The following CCDC178 variants were observed in gnomAD, a reference collection of about 807,000 sequenced individuals.
CCDC178 encodes the protein coiled-coil domain-containing protein 178.
Under a neutral mutation model 117.4 loss-of-function variants are expected in CCDC178, and 126 were observed. The ratio of observed to expected loss-of-function variants is 1.07; its 90% CI spans 0.93 to 1.24. The LOEUF (loss-of-function observed/expected upper bound fraction) is 1.24, where lower values mean the gene tolerates loss of function less well. CCDC178 is among the 50% of genes most tolerant of loss of function. The pLI is 0.00. For missense variants in CCDC178, 1,030 were observed against 986.9 expected (o/e 1.04, Z -0.59); for synonymous variants, 283 against 313.4 (o/e 0.90, Z 1.02).
At chr18:33,114,377 G>A (rs1230995061) in intron 20 of CCDC178, among the ~76,000 whole-genome samples, 1 of 152,034 alleles carries the variant, frequency 6.6e-6, no homozygotes. Flanking sequence ...AGAATGGGGG[G>A]TGGGGAACTT....
intron 12 of CCDC178, among the ~76,000 whole-genome samples, chr18:33,276,443 A>C (rs2059950883): frequency 6.6e-6 from 1 of 152,080 alleles, no homozygotes; most frequent in African/African-American, 2.4e-5. Context: ...TGGATATATA[A>C]GATTTGTTAC....
intron 22 of CCDC178, among the ~76,000 whole-genome samples, chr18:32,948,395 T>C (rs1469450745): frequency 3.3e-5 from 5 of 152,130 alleles, no homozygotes; most frequent in Non-Finnish European, 5.9e-5. Flanking sequence ...TTAATTTTCT[T>C]TTGTGGCACA....
chr18:33,420,763 C>A lies in CCDC178; in HGVS notation c.-22-8653G>T, dbSNP rs115239426. Among the ~76,000 whole-genome samples the A allele has an allele frequency of 4.6e-5, 7 of 151,874 alleles. No individual in the cohort carries two copies. The East Asian group carries it at 1.4e-3, about 29-fold the overall frequency. ...ACACAATTTATATGACAAACCTGCA[C>A]ATGTACCACTGAAATTAAAATAACA... On this transcript the variant is annotated intron_variant, in intron 2 of 22. Transcript: ENST00000383096.
chr18:33,178,145 C>A (rs1183500416), intron 20 of CCDC178, among the ~76,000 whole-genome samples: 1 of 151,988 alleles, frequency 6.6e-6, no homozygotes, highest in Non-Finnish European at 1.5e-5. Context: ...CAACCCAACC[C>A]AATCTTTTCA....
Position 32,948,494 on chromosome 18 carries a change from C to A in CCDC178, c.2524-10403G>T, listed in dbSNP as rs974098677. 2.7e-4 allele frequency among the ~76,000 whole-genome samples: 41 copies of A among 152,148 alleles called. No homozygotes were observed. The Middle Eastern group carries it at 0.024, about 88-fold the overall frequency. On this transcript the variant is annotated intron_variant, in intron 22 of 22. Transcript: ENST00000383096. Reference sequence around the variant, plus strand: ...TCCAATCACTGTTAGCACATTGATGCTATATTATGCAAACTTACTAAGCTC... The same window carrying A: ...TCCAATCACTGTTAGCACATTGATGATATATTATGCAAACTTACTAAGCTC...
At chr18:32,942,119 G>A (rs965908353) in intron 22 of CCDC178, among the ~76,000 whole-genome samples, 1 of 152,118 alleles carries the variant, frequency 6.6e-6, no homozygotes, top group Admixed American at 6.6e-5. Flanking sequence ...TCCTAATGTA[G>A]TAAATGAGTT....
chr18:33,225,999 T>G (rs998916558), intron 16 of CCDC178, among the ~76,000 whole-genome samples: 1 of 151,930 alleles, frequency 6.6e-6, no homozygotes, highest in African/African-American at 2.4e-5. Flanking sequence ...CTGTCTCTAC[T>G]AAAAATACAA....
chr18:32,994,377 A>G (rs1331254230), intron 21 of CCDC178, among the ~76,000 whole-genome samples: 1 of 152,166 alleles, frequency 6.6e-6, no homozygotes, highest in Non-Finnish European at 1.5e-5. Context: ...AACACCAAAA[A>G]CTTTAAAGAA....
chr18:33,153,875 T>C lies in CCDC178; in HGVS notation c.2238+58021A>G, dbSNP rs1359052066. Among the ~76,000 whole-genome samples, 4 of 152,044 alleles carry C rather than the reference T, an allele frequency of 2.6e-5. No individual in the cohort carries two copies. The East Asian group carries it at 7.7e-4, about 29-fold the overall frequency. ...TTGTAAATAATATATATATATGGTA[T>C]GCATATATAAAAGTTACATGGAAAG... On this transcript the variant is annotated intron_variant, in intron 20 of 22. Transcript: ENST00000383096.
chr18:32,965,971 C>A (rs946264548), intron 22 of CCDC178, among the ~76,000 whole-genome samples: 1 of 148,752 alleles, frequency 6.7e-6, no homozygotes, highest in Non-Finnish European at 1.5e-5. Flanking sequence ...ATAATAGAAT[C>A]AATTTTTAAT....
intron 11 of CCDC178, among the ~76,000 whole-genome samples, chr18:33,318,900 G>C (rs2062460529): frequency 6.6e-6 from 1 of 151,868 alleles, no homozygotes; most frequent in Non-Finnish European, 1.5e-5. Context: ...ATATATGAAG[G>C]TCAACTAAGA....
intron 15 of CCDC178, among the ~76,000 whole-genome samples, chr18:33,230,628 A>G (rs1030056659): frequency 1.3e-5 from 2 of 152,180 alleles, no homozygotes; most frequent in Non-Finnish European, 2.9e-5. Flanking sequence ...TTTTTAAAAA[A>G]AATCTTTATA....
chr18:32,990,050 T>C (rs994650492), intron 21 of CCDC178, among the ~76,000 whole-genome samples: 4 of 152,172 alleles, frequency 2.6e-5, no homozygotes, highest in Admixed American at 2.0e-4. Flanking sequence ...TAAGATAATT[T>C]GAAAGAACTA....
Position 33,246,235 on chromosome 18 carries a change from G to A in CCDC178, c.1410-807C>T, listed in dbSNP as rs145854168. 1.1e-4 allele frequency among the ~76,000 whole-genome samples: 16 copies of A among 151,824 alleles called. No homozygotes were observed. In the East Asian group the frequency reaches 1.8e-3, roughly 17 times the overall value. ...GCAAACTATAGATATTAACTGGAGC[G>A]GTATCTAAACCTTGTATACACATAA... On this transcript the variant is annotated intron_variant, in intron 14 of 22. Transcript: ENST00000383096.
Position 33,132,886 on chromosome 18 carries a change from A to C in CCDC178, c.2239-39976T>G, listed in dbSNP as rs571982375. Among the ~76,000 whole-genome samples the C allele has an allele frequency of 5.0e-4, 76 of 151,940 alleles. 1 individual carries two copies. The highest frequency in any genetic ancestry group is 1.8e-3 in the African/African-American group (73 of 41,564). On this transcript the variant is annotated intron_variant, in intron 20 of 22. Transcript: ENST00000383096. ...ATGTAATAATACAGCAGAATTAAGAAAGAAAACTTTGCAACAGATTTCGAT... is the reference window on the plus strand; with the variant it reads ...ATGTAATAATACAGCAGAATTAAGACAGAAAACTTTGCAACAGATTTCGAT...
At chr18:33,351,100 G>A (rs1050167822) in intron 7 of CCDC178, among the ~76,000 whole-genome samples, 3 of 150,760 alleles carry the variant, frequency 2.0e-5, no homozygotes, top group Admixed American at 6.6e-5. Context: ...ACTAATTTTC[G>A]TATGCTAAAC....
At chr18:33,216,598 T>C (rs2059168518) in intron 18 of CCDC178, among the ~76,000 whole-genome samples, 1 of 152,086 alleles carries the variant, frequency 6.6e-6, no homozygotes, top group East Asian at 1.9e-4. Context: ...CCCATATGCT[T>C]CCAAATACTT....
chr18:33,004,131 AT>A (rs2055701397), intron 21 of CCDC178, among the ~76,000 whole-genome samples: 1 of 152,140 alleles, frequency 6.6e-6, no homozygotes, highest in South Asian at 2.1e-4. Flanking sequence ...TGAAATCCCT[AT>A]CAACATACGA....
chr18:33,424,017 A>G (rs938778240), intron 2 of CCDC178, among the ~76,000 whole-genome samples: 1 of 152,144 alleles, frequency 6.6e-6, no homozygotes, highest in Admixed American at 6.5e-5. Flanking sequence ...CTACTTTCCT[A>G]TTCTTTCATA....
Sources: gnomAD v4.1 joint callset for allele counts (sites outside exome capture counted in the v4.1 genomes callset) on GRCh38, gnomAD v4.1.1 for gene constraint, MANE v1.5 for transcripts, NCBI Gene and HGNC (gene_info 2026-07-23, HGNC 2026-07-21) for gene names.